MOBP: variants seen among roughly 807,000 people sequenced by gnomAD.
The protein encoded by MOBP is myelin-associated oligodendrocyte basic protein.
Under a neutral mutation model 15.0 loss-of-function variants are expected in MOBP, and 5 were observed. The observed-to-expected ratio is 0.33, with a 90% CI of 0.17 to 0.70. The LOEUF (loss-of-function observed/expected upper bound fraction) is 0.70. MOBP is among the 30% of genes least tolerant of loss of function. The pLI is 0.67. For missense variants in MOBP, 188 were observed against 257.8 expected, an observed-to-expected ratio of 0.73 and a Z score of 1.85; for synonymous variants, 88 against 99.0, an observed-to-expected ratio of 0.89 and a Z score of 0.66.
chr3:39,481,007 C>G (rs2042620824), intron 2 of MOBP, among the ~76,000 whole-genome samples: 1 of 152,200 alleles, frequency 6.6e-6, no homozygotes, highest in Non-Finnish European at 1.5e-5. Flanking sequence ...ATTTACCTAT[C>G]CATTCATCTA....
chr3:39,475,467 C>G (rs902467793), intron 1 of MOBP, among the ~76,000 whole-genome samples: 1 of 152,112 alleles, frequency 6.6e-6, no homozygotes, highest in Non-Finnish European at 1.5e-5. Context: ...ATCCATTAGT[C>G]AATGATGCTT....
chr3:39,505,675 C>T (rs2043039036), downstream of MOBP, among the ~76,000 whole-genome samples: 1 of 152,192 alleles, frequency 6.6e-6, no homozygotes, highest in Non-Finnish European at 1.5e-5. Flanking sequence ...GTGTGACAGC[C>T]TCTGCCTGGT....
In MOBP at chr3:39,468,911, GAGTGTGTATATATACATATATACAT is replaced by G. The variant is rs1434830052; in HGVS notation, c.-89+1172_-89+1196del. Among the ~76,000 whole-genome samples the G allele has an allele frequency of 2.2e-4, 22 of 98,626 alleles. 3 individuals are homozygous for G. The highest frequency in any genetic ancestry group is 1.5e-3 in the South Asian group (5 of 3,266). The allele number at this position is 98,626 out of a possible 152,430, so 64.7% of individuals were successfully genotyped here. A position where few individuals can be genotyped will look rare whatever the true frequency, so the allele number is the denominator to read the frequency against. ...TGTGTATATATACATATATACATAT[GAGTGTGTATATATACATATATACAT>G]TGTGTGTATATATACATATATACAT... On this transcript the variant is annotated intron_variant, in intron 1 of 3. Coordinates refer to ENST00000684792, the MANE Select transcript of MOBP (RefSeq NM_001393704.1).
downstream of MOBP, among the ~76,000 whole-genome samples, chr3:39,503,557 T>TTC (rs2043007786): frequency 6.6e-6 from 1 of 151,162 alleles, no homozygotes; most frequent in South Asian, 2.1e-4. Context: ...TAGGCTATTT[T>TTC]TTTTTTTTTT....
downstream of MOBP, among the ~76,000 whole-genome samples, chr3:39,504,236 C>G (rs963086844): frequency 2.0e-5 from 3 of 152,122 alleles, no homozygotes; most frequent in African/African-American, 7.2e-5. Flanking sequence ...TCTTAAGGAC[C>G]CTGAGTAGAA....
chr3:39,512,352 C>T (rs1194400060), intron 4 of MOBP, among the ~76,000 whole-genome samples: 2 of 152,064 alleles, frequency 1.3e-5, no homozygotes, highest in African/African-American at 2.4e-5. Flanking sequence ...ATGGGGAGTT[C>T]GAAAACATGC....
chr3:39,477,112 G>A (rs1405631277), intron 1 of MOBP, among the ~76,000 whole-genome samples: 1 of 152,052 alleles, frequency 6.6e-6, no homozygotes, highest in African/African-American at 2.4e-5. Flanking sequence ...AGAGCTTTCT[G>A]GGGTCTCAAC....
At chr3:39,485,365 G>A (rs2042687037) in intron 2 of MOBP, among the ~76,000 whole-genome samples, 1 of 152,208 alleles carries the variant, frequency 6.6e-6, no homozygotes, top group African/African-American at 2.4e-5. Flanking sequence ...TCTACACTCA[G>A]AAGAAAGGGT....
At chr3:39,521,304 G>C (rs1055832105) in intron 3 of MOBP, among the ~76,000 whole-genome samples, 7 of 152,138 alleles carry the variant, frequency 4.6e-5, no homozygotes, top group Non-Finnish European at 8.8e-5. Flanking sequence ...AACTAATTTA[G>C]AACAATGTTA....
At chr3:39,470,834 A>G (rs985042300) in intron 1 of MOBP, among the ~76,000 whole-genome samples, 8 of 152,222 alleles carry the variant, frequency 5.3e-5, no homozygotes, top group Admixed American at 3.3e-4. Context: ...TACTACCAGT[A>G]TGATCTTAAA....
rs544071358 is a variant in MOBP, at chr3:39,468,797, T to TAC, written c.-89+1058_-89+1059insCA. ...ATATACATATATACATGTGTGTGTA[T>TAC]ATATACATATGTGTGTGTATACATA... is the stretch of plus-strand genomic sequence containing the variant. On this transcript the variant is annotated intron_variant, in intron 1 of 3. Transcript: ENST00000684792. Among the ~76,000 whole-genome samples, 78 of 89,136 alleles carry TAC rather than the reference T, an allele frequency of 8.8e-4. 12 individuals carry two copies. The East Asian group carries it at 0.017, about 20-fold the overall frequency. The allele number at this position is 89,136 out of a possible 152,430, so 58.5% of individuals were successfully genotyped here. A position where few individuals can be genotyped will look rare whatever the true frequency, so the allele number is the denominator to read the frequency against.
intron 1 of MOBP, among the ~76,000 whole-genome samples, chr3:39,472,005 G>C (rs561844985): frequency 6.6e-6 from 1 of 152,322 alleles, no homozygotes; most frequent in South Asian, 2.1e-4. Context: ...AGAACCTTGT[G>C]GTGGTTTCCT....
exon 5 of MOBP, chr3:39,513,656 A>G: frequency 1.8e-6 from 1 of 544,790 alleles, no homozygotes; most frequent in East Asian, 2.9e-5. Flanking sequence ...GGGTTCCAGC[A>G]GCACCCGCAG....
intron 4 of MOBP, among the ~76,000 whole-genome samples, chr3:39,512,946 C>A: frequency 6.6e-6 from 1 of 152,090 alleles, no homozygotes; most frequent in African/African-American, 2.4e-5. Flanking sequence ...CGATTTGTTC[C>A]CTCATCAAAG....
intron 2 of MOBP, among the ~76,000 whole-genome samples, chr3:39,495,351 A>G (rs937448985): frequency 1.3e-5 from 2 of 152,202 alleles, no homozygotes; most frequent in Admixed American, 6.5e-5. Context: ...AATGAAGATT[A>G]AAAATTATTT....
intron 4 of MOBP, among the ~76,000 whole-genome samples, chr3:39,509,327 A>AT (rs1244516570): frequency 6.6e-6 from 1 of 152,224 alleles, no homozygotes; most frequent in Non-Finnish European, 1.5e-5. Context: ...AAGAAGTTGT[A>AT]ACATTTTTCA....
downstream of MOBP, among the ~76,000 whole-genome samples, chr3:39,520,654 T>C (rs1338895578): frequency 6.6e-6 from 1 of 152,014 alleles, no homozygotes; most frequent in African/African-American, 2.4e-5. Context: ...TTTTTACTTT[T>C]TGTAGCTTTC....
intron 2 of MOBP, among the ~76,000 whole-genome samples, chr3:39,497,888 G>A (rs1253190143): frequency 1.3e-5 from 2 of 152,288 alleles, no homozygotes; most frequent in East Asian, 1.9e-4. Flanking sequence ...GACAGAGAAA[G>A]GAAAGTGACA....
downstream of MOBP, chr3:39,517,791 CAGA>C (rs1559430095): frequency 6.6e-6 from 1 of 152,132 alleles, no homozygotes; most frequent in Admixed American, 6.5e-5. Context: ...TACAGGTGAG[CAGA>C]AGAACACAGA....
Sources: gnomAD v4.1 joint callset for allele counts (sites outside exome capture counted in the v4.1 genomes callset) on GRCh38, gnomAD v4.1.1 for gene constraint, MANE v1.5 for transcripts, NCBI Gene and HGNC (gene_info 2026-07-23, HGNC 2026-07-21) for gene names.